The following PEX19 variants were observed in gnomAD, a reference collection of about 807,000 sequenced individuals.
PEX19 encodes the protein 33 kDa housekeeping protein.
PEX19 carries 29 observed loss-of-function variants against 36.3 expected under a neutral mutation model. The observed-to-expected ratio is 0.80, with a 90% CI of 0.60 to 1.09. PEX19 has a LOEUF of 1.09. Ranked by LOEUF, PEX19 falls within the 50% of genes least tolerant of loss-of-function variation. PEX19 has a pLI of 0.00. For missense variants in PEX19, 396 were observed against 368.1 expected (o/e 1.08, Z -0.62); for synonymous variants, 141 against 135.2 (o/e 1.04, Z -0.30).
At position 160,280,247 on chromosome 1, in the gene PEX19, C is replaced by T. The variant is rs1443065472; in HGVS notation, c.595-1G>A. On this transcript the variant is annotated splice_acceptor_variant, in intron 5 of 7. Coordinates refer to ENST00000368072, the MANE Select transcript of PEX19 (RefSeq NM_002857.4). LOFTEE classifies it high-confidence loss of function. ...GATGACTCTGCAACCATTCTGGATA[C>T]TAAGAAAAGAGAGAATGGGTGGAAA... 1.2e-6 allele frequency: 2 copies of T among 1,612,738 alleles called. No individual in the cohort carries two copies. Among genetic ancestry groups the T allele is most frequent in the Non-Finnish European group, 8.5e-7 (1 of 1,178,974 alleles).
Position 160,278,361 on chromosome 1 carries a change from G to C in PEX19, c.*1190C>G. 1 of 685,180 alleles carries C rather than the reference G, an allele frequency of 1.5e-6. No homozygotes were observed. Among genetic ancestry groups the C allele is most frequent in the Non-Finnish European group, 2.7e-6 (1 of 376,026 alleles). 42.4% of individuals were successfully genotyped at this position (685,180 alleles called of 1,614,324 possible). On this transcript the variant is annotated 3_prime_UTR_variant, in exon 8 of 8. Transcript: ENST00000368072. ...TCCTTTGCCAACTGAGGTGCAGACT[G>C]AGTTGTGGAAGGTGGGTGTTGATGG...
intron 2 of PEX19, 65 bp from the exon 3 acceptor site, chr1:160,283,174 A>ATATC: frequency 6.4e-7 from 1 of 1,562,542 alleles, no homozygotes; most frequent in Non-Finnish European, 8.8e-7. Context: ...GGCCTCTGAT[A>ATATC]GAAGCCACAG....
intron 5 of PEX19, among the ~76,000 whole-genome samples, chr1:160,280,803 G>A (rs1657744295): frequency 6.6e-6 from 1 of 152,130 alleles, no homozygotes; most frequent in South Asian, 2.1e-4. Flanking sequence ...ATAGGAGTGA[G>A]CCACTACGCT....
chr1:160,279,519 G>A lies in PEX19; in HGVS notation c.*32C>T. On this transcript the variant is annotated 3_prime_UTR_variant, in exon 8 of 8. Coordinates refer to ENST00000368072, the MANE Select transcript of PEX19 (RefSeq NM_002857.4). ...CTGCTGACTCCAGATGTTCCCCATAGCTGGGACTCAGAGAGGAAAACGTGT... is the reference window on the plus strand; with the variant it reads ...CTGCTGACTCCAGATGTTCCCCATAACTGGGACTCAGAGAGGAAAACGTGT... 6.4e-7 allele frequency: 1 copy of A among 1,559,056 alleles called. No homozygotes were observed. The highest frequency in any genetic ancestry group is 8.9e-7 in the Non-Finnish European group (1 of 1,129,824).
At chr1:160,282,655 A>G in intron 3 of PEX19, 153 bp from the exon 4 acceptor site, 1 of 730,974 alleles carries the variant, frequency 1.4e-6, no homozygotes, top group South Asian at 1.5e-5. Flanking sequence ...GTCTTTTCAT[A>G]AATCTATTTA....
In PEX19 at chr1:160,285,089, G is replaced by C. The variant is rs1329227329; in HGVS notation, c.36C>G (p.Ala12=). 1.2e-6 allele frequency: 2 copies of C among 1,613,920 alleles called. No homozygotes were observed. Among genetic ancestry groups the C allele is most frequent in the Non-Finnish European group, 8.5e-7 (1 of 1,179,876 alleles). Residue 12 remains alanine, a synonymous_variant, in exon 1 of 8, where the codon GCC becomes GCG. Coordinates refer to ENST00000368072, the MANE Select transcript of PEX19 (RefSeq NM_002857.4). ...AAAEEGCSVG[A]EADRELEELL... is the part of the protein sequence containing the mutation. The stretch of plus-strand genomic sequence containing the variant: ...GCTCCTCCAATTCCCTGTCCGCTTC[G>C]GCCCCGACACTACAGCCTTCCTCAG...
intron 3 of PEX19, 71 bp from the exon 4 acceptor site, chr1:160,282,573 C>A (rs1313981969): frequency 8.6e-7 from 1 of 1,160,474 alleles, no homozygotes; most frequent in Non-Finnish European, 1.3e-6. Flanking sequence ...TGGTTAACAG[C>A]TTGGATATGA....
intron 2 of PEX19, 114 bp downstream of exon 2, chr1:160,283,416 G>A: frequency 1.3e-6 from 1 of 749,794 alleles, no homozygotes. Context: ...ACTCACCAAT[G>A]TGAGGCCAAG....
In PEX19 at chr1:160,277,540, G is replaced by A; in HGVS notation, c.*2011C>T. 2.2e-6 allele frequency: 1 copy of A among 454,690 alleles called. No individual in the cohort carries two copies. The highest frequency in any genetic ancestry group is 1.6e-5 in the South Asian group (1 of 64,506). The allele number at this position is 454,690 out of a possible 1,614,324, so 28.2% of individuals were successfully genotyped here. A position where few individuals can be genotyped will look rare whatever the true frequency, so the allele number is the denominator to read the frequency against. ...TAATTCCAAAAGTTTTTGGAACAAAGTGTGACCTGAGGTCAACCTGCTCAC... is the reference window on the plus strand; with the variant it reads ...TAATTCCAAAAGTTTTTGGAACAAAATGTGACCTGAGGTCAACCTGCTCAC... On this transcript the variant is annotated 3_prime_UTR_variant, in exon 8 of 8. Coordinates refer to ENST00000368072, the MANE Select transcript of PEX19 (RefSeq NM_002857.4).
At position 160,284,212 on chromosome 1, in the gene PEX19, G is replaced by A. The variant is rs748152644; in HGVS notation, c.71-573C>T. 43 of 471,052 alleles carry A rather than the reference G, an allele frequency of 9.1e-5. No homozygotes were observed. The Middle Eastern group carries it at 5.2e-3, about 57-fold the overall frequency. 29.2% of individuals were successfully genotyped at this position (471,052 alleles called of 1,614,324 possible). On this transcript the variant is annotated intron_variant, in intron 1 of 7. Transcript: ENST00000368072. The stretch of plus-strand genomic sequence containing the variant: ...CCAACAACCTTCTAGAGCTCCCTTT[G>A]GCCTGATCTCTGCAGATAACCGTAC...
At chr1:160,281,406 C>T (rs1376825227) in intron 5 of PEX19, 1 of 160,656 alleles carries the variant, frequency 6.2e-6, no homozygotes, top group Non-Finnish European at 1.4e-5. Context: ...AGTAAATCCT[C>T]AGTTAATTCT....
In PEX19 at chr1:160,278,689, C is replaced by T. The variant is rs1326230505; in HGVS notation, c.*862G>A. ...TGACACTGGGTTTATTTGTGTCTGC[C>T]AGGAAGACGGGGAGTCAGTGAGAAT... On this transcript the variant is annotated 3_prime_UTR_variant, in exon 8 of 8. Coordinates refer to ENST00000368072, the MANE Select transcript of PEX19 (RefSeq NM_002857.4). 3 of 453,976 alleles carry T rather than the reference C, an allele frequency of 6.6e-6. No homozygotes were observed. Among genetic ancestry groups the T allele is most frequent in the East Asian group, 6.9e-5 (1 of 14,412 alleles). 28.1% of individuals were successfully genotyped at this position (453,976 alleles called of 1,614,324 possible).
At position 160,278,501 on chromosome 1, in the gene PEX19, A is replaced by G. The variant is rs1657630050; in HGVS notation, c.*1050T>C. The G allele has an allele frequency of 2.0e-6, 1 of 496,156 alleles. No individual in the cohort carries two copies. The highest frequency in any genetic ancestry group is 3.9e-6 in the Non-Finnish European group (1 of 255,288). The allele number at this position is 496,156 out of a possible 1,614,324, so 30.7% of individuals were successfully genotyped here. ...ACACTCCTCACTCAGAATATTTATTATATTCTGCCCCATGGGGCCTTGCAG... is the reference window on the plus strand; with the variant it reads ...ACACTCCTCACTCAGAATATTTATTGTATTCTGCCCCATGGGGCCTTGCAG... On this transcript the variant is annotated 3_prime_UTR_variant, in exon 8 of 8. Coordinates refer to ENST00000368072, the MANE Select transcript of PEX19 (RefSeq NM_002857.4).
chr1:160,282,284 C>T, intron 4 of PEX19, 84 bp from the exon 5 acceptor site: 1 of 1,510,814 alleles, frequency 6.6e-7, no homozygotes, highest in South Asian at 1.1e-5. Context: ...GATAAACTAT[C>T]TAAACTTGCC....
At chr1:160,283,196 G>A (rs1657856659) in intron 2 of PEX19, 87 bp from the exon 3 acceptor site, 1 of 1,410,238 alleles carries the variant, frequency 7.1e-7, no homozygotes, top group Non-Finnish European at 1.0e-6. Flanking sequence ...CAGTGGCTAT[G>A]GGAAATGCAC....
At chr1:160,282,921 C>T (rs1557855032) in intron 3 of PEX19, 23 bp downstream of exon 3, 2 of 1,611,484 alleles carry the variant, frequency 1.2e-6, no homozygotes, top group Non-Finnish European at 1.7e-6. Context: ...TCAGATATTT[C>T]CATGTATCTG....
chr1:160,282,550 G>A, intron 3 of PEX19, 48 bp from the exon 4 acceptor site: 1 of 1,418,104 alleles, frequency 7.1e-7, no homozygotes, highest in South Asian at 1.2e-5. Flanking sequence ...TTGTTTCCTT[G>A]CCTAGACTGA....
At chr1:160,280,307 C>G (rs1657720055) in intron 5 of PEX19, 61 bp from the exon 6 acceptor site, 1 of 1,418,806 alleles carries the variant, frequency 7.0e-7, no homozygotes, top group African/African-American at 1.4e-5. Flanking sequence ...GATGGGTAAT[C>G]AGAACAATGT....
chr1:160,282,607 C>T (rs1337923583), intron 3 of PEX19, 105 bp from the exon 4 acceptor site: 1 of 861,186 alleles, frequency 1.2e-6, no homozygotes, highest in Admixed American at 1.9e-5. Context: ...GAATCATTAT[C>T]ACTCCCAATC....
Sources: allele counts gnomAD v4.1 joint callset (sites outside exome capture counted in the v4.1 genomes callset), GRCh38; gene constraint gnomAD v4.1.1; transcripts MANE v1.5; gene names NCBI Gene and HGNC (gene_info 2026-07-23, HGNC 2026-07-21).